The following CNGB3 variants were observed in gnomAD, a reference collection of about 807,000 sequenced individuals.
The protein encoded by CNGB3 is cyclic nucleotide gated channel subunit beta 3.
A neutral mutation model predicts 92.8 loss-of-function variants in CNGB3; 86 were observed. That is an observed-to-expected ratio of 0.93 (90% CI 0.78 to 1.11). CNGB3 has a LOEUF of 1.11. CNGB3 is among the 50% of genes least tolerant of loss of function. The pLI is 0.00. For synonymous variants in CNGB3, 333 were observed against 332.7 expected, an observed-to-expected ratio of 1.00 and a Z score of -0.01; for missense variants, 1,026 against 956.8, an observed-to-expected ratio of 1.07 and a Z score of -0.95.
At chr8:86,741,318 C>T (rs558747921) in intron 1 of CNGB3, among the ~76,000 whole-genome samples, 1 of 152,100 alleles carries the variant, frequency 6.6e-6, no homozygotes, top group Non-Finnish European at 1.5e-5. Context: ...TTTCCCATAC[C>T]CACATGTTCT....
At chr8:86,740,420 A>G (rs570725757) in intron 1 of CNGB3, among the ~76,000 whole-genome samples, 95 of 152,362 alleles carry the variant, frequency 6.2e-4, no homozygotes, top group South Asian at 1.2e-3. Flanking sequence ...AAAGGAAACT[A>G]TTCCAAAGAA....
At chr8:86,659,133 T>C in intron 6 of CNGB3, 1 of 709,684 alleles carries the variant, frequency 1.4e-6, no homozygotes, top group Non-Finnish European at 2.5e-6. Flanking sequence ...CTCCAGCTCC[T>C]GTACCCGAGT....
chr8:86,685,706 C>T (rs1439877185), intron 3 of CNGB3, among the ~76,000 whole-genome samples: 1 of 152,012 alleles, frequency 6.6e-6, no homozygotes, highest in Non-Finnish European at 1.5e-5. Context: ...AGGTTAGAAA[C>T]AAATTATGAC....
In CNGB3 at chr8:86,642,675, C is replaced by T. The variant is rs113128395; in HGVS notation, c.1178+1076G>A. ...TATGTTCAATGTCATTTCACTGGAG[C>T]AGAAAGTTAGTGAAGTCAACTTTAT... On this transcript the variant is annotated intron_variant, in intron 10 of 17. Coordinates refer to ENST00000320005, the MANE Select transcript of CNGB3 (RefSeq NM_019098.5). 3.0e-3 allele frequency among the ~76,000 whole-genome samples: 450 copies of T among 151,708 alleles called. 1 individual carries two copies. The highest frequency in any genetic ancestry group is 0.01 in the African/African-American group (428 of 41,478).
intron 3 of CNGB3, among the ~76,000 whole-genome samples, chr8:86,706,923 A>G (rs1348699721): frequency 6.6e-6 from 1 of 152,208 alleles, no homozygotes; most frequent in Non-Finnish European, 1.5e-5. Context: ...TGAATTTTCT[A>G]TGAACCATTC....
intron 2 of CNGB3, among the ~76,000 whole-genome samples, chr8:86,737,544 A>T (rs1319731847): frequency 6.6e-6 from 1 of 152,172 alleles, no homozygotes; most frequent in Non-Finnish European, 1.5e-5. Flanking sequence ...TTTCCAAATT[A>T]AAGTAAGATG....
intron 6 of CNGB3, chr8:86,657,862 T>A: frequency 5.6e-6 from 3 of 535,382 alleles, no homozygotes; most frequent in South Asian, 4.2e-5. Context: ...TACAGTGTGA[T>A]GTACTTTCCT....
chr8:86,672,662 C>G (rs1161938852), intron 3 of CNGB3, among the ~76,000 whole-genome samples: 1 of 152,150 alleles, frequency 6.6e-6, no homozygotes, highest in African/African-American at 2.4e-5. Context: ...GTAGATTCCA[C>G]TTAAGAAAAT....
chr8:86,652,194 T>C (rs1823417070), intron 7 of CNGB3, among the ~76,000 whole-genome samples: 1 of 151,896 alleles, frequency 6.6e-6, no homozygotes, highest in Non-Finnish European at 1.5e-5. Flanking sequence ...ATTGAAAAGG[T>C]ACAGTTAAAA....
chr8:86,637,703 T>C (rs538690491), intron 10 of CNGB3, among the ~76,000 whole-genome samples: 2 of 152,328 alleles, frequency 1.3e-5, no homozygotes, highest in African/African-American at 4.8e-5. Context: ...TATTTTATTC[T>C]TTTTGATGCT....
chr8:86,607,690 C>T (rs1822437528), intron 14 of CNGB3, among the ~76,000 whole-genome samples: 1 of 152,080 alleles, frequency 6.6e-6, no homozygotes, highest in Non-Finnish European at 1.5e-5. Flanking sequence ...TGATTTCTGC[C>T]CTGCCATAGA....
At chr8:86,682,615 C>T (rs1416352186) in intron 3 of CNGB3, among the ~76,000 whole-genome samples, 1 of 152,010 alleles carries the variant, frequency 6.6e-6, no homozygotes, top group Admixed American at 6.6e-5. Flanking sequence ...TCTTTCATAG[C>T]GATGCCAGGA....
chr8:86,636,403 G>A lies in CNGB3; in HGVS notation c.1179-3510C>T, dbSNP rs111970240. 7.7e-4 allele frequency among the ~76,000 whole-genome samples: 116 copies of A among 151,202 alleles called. 1 individual carries two copies. The South Asian group carries it at 0.012, about 16-fold the overall frequency. On this transcript the variant is annotated intron_variant, in intron 10 of 17. Transcript: ENST00000320005. ...TCTGGCCAACATGGTGAAACCCCGT[G>A]TCTACTTAAAATACAAAAAGTAGCC... is the stretch of plus-strand genomic sequence containing the variant.
chr8:86,581,741 C>G (rs1018641787), intron 15 of CNGB3, among the ~76,000 whole-genome samples: 8 of 152,106 alleles, frequency 5.3e-5, no homozygotes, highest in African/African-American at 1.7e-4. Context: ...CCTTACCCCC[C>G]CACCAAGTCT....
At chr8:86,641,035 A>G in intron 10 of CNGB3, among the ~76,000 whole-genome samples, 1 of 152,058 alleles carries the variant, frequency 6.6e-6, no homozygotes, top group East Asian at 1.9e-4. Flanking sequence ...ATTAGGTTTC[A>G]GTAAAGAAAC....
intron 2 of CNGB3, 72 bp downstream of exon 2, chr8:86,739,576 TCATCAGA>T: frequency 6.3e-7 from 1 of 1,580,826 alleles, no homozygotes; most frequent in Non-Finnish European, 8.6e-7. Context: ...GACAAATATT[TCATCAGA>T]CAGCACATTT....
chr8:86,714,221 T>C (rs572524071), intron 3 of CNGB3, among the ~76,000 whole-genome samples: 1 of 152,290 alleles, frequency 6.6e-6, no homozygotes, highest in South Asian at 2.1e-4. Flanking sequence ...TTTCTTTCTT[T>C]CTTGTCTTCA....
At chr8:86,604,031 C>A (rs1400342041) in intron 15 of CNGB3, 62 bp downstream of exon 15, 1 of 1,099,972 alleles carries the variant, frequency 9.1e-7, no homozygotes, top group African/African-American at 1.5e-5. Context: ...ATTTTACTAC[C>A]TAAGACTTTT....
At chr8:86,697,079 C>T (rs1379784104) in intron 3 of CNGB3, among the ~76,000 whole-genome samples, 1 of 152,000 alleles carries the variant, frequency 6.6e-6, no homozygotes, top group Non-Finnish European at 1.5e-5. Flanking sequence ...CACAAATCAA[C>T]CAGAAAGCAA....
Sources: allele counts gnomAD v4.1 joint callset (sites outside exome capture counted in the v4.1 genomes callset), GRCh38; gene constraint gnomAD v4.1.1; transcripts MANE v1.5; gene names NCBI Gene and HGNC (gene_info 2026-07-23, HGNC 2026-07-21).